The following OLFM3 variants were observed in gnomAD, a reference collection of about 807,000 sequenced individuals.
OLFM3 encodes noelin-3.
A neutral mutation model predicts 48.6 loss-of-function variants in OLFM3; 20 were observed. That is an observed-to-expected ratio of 0.41 (90% CI 0.29 to 0.60). OLFM3 has a LOEUF of 0.60. OLFM3 is among the 20% of genes least tolerant of loss of function. The pLI is 0.28. For missense variants in OLFM3, 437 were observed against 544.3 expected (o/e 0.80, Z 1.96); for synonymous variants, 222 against 198.1 (o/e 1.12, Z -1.01).
At chr1:101,883,589 G>C (rs1657623050) in intron 1 of OLFM3, among the ~76,000 whole-genome samples, 1 of 151,770 alleles carries the variant, frequency 6.6e-6, no homozygotes, top group African/African-American at 2.4e-5. Context: ...GTCTTTCACT[G>C]CATCACCTTC....
chr1:101,936,369 C>T (rs968088550), intron 1 of OLFM3, among the ~76,000 whole-genome samples: 15 of 151,910 alleles, frequency 9.9e-5, no homozygotes, highest in Non-Finnish European at 1.5e-5. Context: ...TTACAATAGC[C>T]ACAAAAAGAA....
chr1:101,868,029 C>T (rs769181869), intron 1 of OLFM3, among the ~76,000 whole-genome samples: 10 of 152,182 alleles, frequency 6.6e-5, no homozygotes, highest in Non-Finnish European at 1.2e-4. Flanking sequence ...TCCCCTTCCA[C>T]CACGACTGTA....
chr1:101,930,397 G>C (rs377219403), intron 1 of OLFM3, among the ~76,000 whole-genome samples: 24 of 152,254 alleles, frequency 1.6e-4, no homozygotes, highest in East Asian at 5.8e-4. Context: ...GCATGGTAGA[G>C]TGAGAAAATA....
chr1:101,837,571 CG>C (rs1269330009), intron 1 of OLFM3: 1 of 151,604 alleles, frequency 6.6e-6, no homozygotes, highest in Non-Finnish European at 1.5e-5. Context: ...CTATTTTGCA[CG>C]AAATGCAGAC....
chr1:101,973,545 C>A (rs910010191), intron 1 of OLFM3, among the ~76,000 whole-genome samples: 1 of 152,094 alleles, frequency 6.6e-6, no homozygotes, highest in Non-Finnish European at 1.5e-5. Flanking sequence ...TCTGTCTGTC[C>A]GGTCAAAGTG....
intron 1 of OLFM3, among the ~76,000 whole-genome samples, chr1:101,966,378 G>A (rs1027147825): frequency 4.8e-5 from 7 of 146,412 alleles, no homozygotes; most frequent in Non-Finnish European, 4.5e-5. Flanking sequence ...TTACTGTGTT[G>A]CTCAGGCTGG....
At chr1:101,812,754 T>C (rs1654130566) in intron 4 of OLFM3, 1 of 987,698 alleles carries the variant, frequency 1.0e-6, no homozygotes, top group Non-Finnish European at 1.2e-6. Flanking sequence ...TAAAAGCTTC[T>C]GGCTCTTAAA....
chr1:101,886,986 G>A (rs955829164), intron 1 of OLFM3, among the ~76,000 whole-genome samples: 1 of 151,820 alleles, frequency 6.6e-6, no homozygotes, highest in African/African-American at 2.4e-5. Flanking sequence ...AAATCTTGAG[G>A]GGAATTAATG....
chr1:101,831,041 C>T (rs1231593041), intron 2 of OLFM3, among the ~76,000 whole-genome samples: 7 of 152,090 alleles, frequency 4.6e-5, no homozygotes, highest in South Asian at 2.1e-4. Flanking sequence ...AATTTAAAAA[C>T]GGGCATTCTA....
At chr1:101,964,479 A>G (rs565319992) in intron 1 of OLFM3, among the ~76,000 whole-genome samples, 2 of 152,336 alleles carry the variant, frequency 1.3e-5, no homozygotes, top group African/African-American at 2.4e-5. Flanking sequence ...AAAAAATTCA[A>G]TTGAAAGTGC....
chr1:101,814,643 T>A (rs1183170844), intron 4 of OLFM3, among the ~76,000 whole-genome samples: 2 of 152,180 alleles, frequency 1.3e-5, no homozygotes, highest in African/African-American at 4.8e-5. Context: ...AGGCAGCATC[T>A]TAAAGTGGTT....
chr1:101,942,594 G>A (rs1210911062), intron 1 of OLFM3, among the ~76,000 whole-genome samples: 5 of 152,230 alleles, frequency 3.3e-5, no homozygotes, highest in African/African-American at 1.2e-4. Context: ...GTACTTTACA[G>A]TTCTATTATT....
chr1:101,846,926 TGCCATGGTACTAAGCACAGC>T, intron 1 of OLFM3: 1 of 1,612,786 alleles, frequency 6.2e-7, no homozygotes, highest in Non-Finnish European at 8.5e-7. Context: ...TTGAGATCAT[TGCCATGGTACTAAGCACAGC>T]GCCAAGCTTC....
At chr1:101,884,823 T>G (rs1478326430) in intron 1 of OLFM3, among the ~76,000 whole-genome samples, 2 of 151,954 alleles carry the variant, frequency 1.3e-5, no homozygotes, top group Non-Finnish European at 2.9e-5. Context: ...TATTGCACAA[T>G]GCCCCTGGCC....
At chr1:101,878,251 T>C (rs1657380052) in intron 1 of OLFM3, among the ~76,000 whole-genome samples, 1 of 151,898 alleles carries the variant, frequency 6.6e-6, no homozygotes, top group Admixed American at 6.6e-5. Context: ...TCTCCATTGT[T>C]GTGTTAATGG....
chr1:101,894,454 C>G (rs567971919), intron 1 of OLFM3, among the ~76,000 whole-genome samples: 118 of 152,206 alleles, frequency 7.8e-4, no homozygotes, highest in South Asian at 4.2e-3. Flanking sequence ...CCTAAATTAT[C>G]TCATTTAGTA....
At chr1:101,965,117 G>C (rs768469259) in intron 1 of OLFM3, among the ~76,000 whole-genome samples, 12 of 152,130 alleles carry the variant, frequency 7.9e-5, no homozygotes, top group Non-Finnish European at 1.6e-4. Flanking sequence ...ATTGTTTAAA[G>C]GGTACTAAAG....
At chr1:101,914,890 G>A (rs1658872835) in intron 1 of OLFM3, among the ~76,000 whole-genome samples, 1 of 152,146 alleles carries the variant, frequency 6.6e-6, no homozygotes. Context: ...TTTGTAGAAT[G>A]GTAATTTAAA....
chr1:101,835,600 C>T (rs1479657774), intron 2 of OLFM3, among the ~76,000 whole-genome samples: 1 of 152,198 alleles, frequency 6.6e-6, no homozygotes, highest in African/African-American at 2.4e-5. Context: ...CAGGCGTGAG[C>T]CAGCACACCT....
Sources: gnomAD v4.1 joint callset for allele counts (sites outside exome capture counted in the v4.1 genomes callset) on GRCh38, gnomAD v4.1.1 for gene constraint, MANE v1.5 for transcripts, NCBI Gene and HGNC (gene_info 2026-07-23, HGNC 2026-07-21) for gene names.